Variants in ACBD5 observed in about 807,000 individuals in gnomAD.
ACBD5 encodes acyl-CoA binding domain containing 5.
A neutral mutation model predicts 71.8 loss-of-function variants in ACBD5; 40 were observed. The observed-to-expected ratio is 0.56, with a 90% CI of 0.43 to 0.72. The LOEUF (loss-of-function observed/expected upper bound fraction) is 0.72, where lower values mean the gene tolerates loss of function less well. Ranked by LOEUF, ACBD5 falls within the 30% of genes least tolerant of loss-of-function variation. ACBD5 has a pLI of 0.00. For synonymous variants in ACBD5, 229 were observed against 218.6 expected (o/e 1.05, Z -0.42); for missense variants, 559 against 644.5 (o/e 0.87, Z 1.44).
chr10:27,230,990 A>G (rs1163607115), intron 4 of ACBD5, among the ~76,000 whole-genome samples: 1 of 152,146 alleles, frequency 6.6e-6, no homozygotes, highest in Non-Finnish European at 1.5e-5. Flanking sequence ...GTACTCACAG[A>G]AAAATGTGAC....
chr10:27,192,591 G>C (rs900024706), downstream of ACBD5, among the ~76,000 whole-genome samples: 1 of 152,112 alleles, frequency 6.6e-6, no homozygotes, highest in Non-Finnish European at 1.5e-5. Flanking sequence ...AGGGAAGAGG[G>C]GAGGGGACAG....
chr10:27,204,578 A>G (rs1589030579), intron 11 of ACBD5, 29 bp from the exon 12 acceptor site: 2 of 1,496,666 alleles, frequency 1.3e-6, no homozygotes, highest in Non-Finnish European at 1.9e-6. Context: ...CTTGTCACCA[A>G]TCTATTCAAT....
chr10:27,205,789 C>CA (rs1481403513), intron 10 of ACBD5, among the ~76,000 whole-genome samples: 32 of 151,876 alleles, frequency 2.1e-4, no homozygotes, highest in Non-Finnish European at 7.4e-5. Flanking sequence ...CTCAGCCTCC[C>CA]AAAGTGTTGG....
At chr10:27,183,816 AT>A (rs1342552068) in intron 13 of ACBD5, among the ~76,000 whole-genome samples, 1 of 151,852 alleles carries the variant, frequency 6.6e-6, no homozygotes, top group African/African-American at 2.4e-5. Context: ...GGCTCAAGCA[AT>A]TCTTCCACCT....
At chr10:27,234,620 G>C (rs567609961) in intron 3 of ACBD5, among the ~76,000 whole-genome samples, 7 of 152,014 alleles carry the variant, frequency 4.6e-5, no homozygotes, top group African/African-American at 1.7e-4. Flanking sequence ...TTTCCTATTT[G>C]TGTAAAATTG....
chr10:27,211,171 C>T, intron 8 of ACBD5, 90 bp from the exon 9 acceptor site: 1 of 1,313,784 alleles, frequency 7.6e-7, no homozygotes, highest in Non-Finnish European at 1.1e-6. Context: ...ATACTGTTTT[C>T]CTAAAATGTT....
chr10:27,186,524 A>G, intron 13 of ACBD5: 13 of 1,614,028 alleles, frequency 8.1e-6, no homozygotes, highest in Non-Finnish European at 1.0e-5. Flanking sequence ...CTGTATCTGG[A>G]TTTAGTCTGT....
intron 5 of ACBD5, among the ~76,000 whole-genome samples, chr10:27,221,201 T>C (rs2062289578): frequency 6.6e-6 from 1 of 152,224 alleles, no homozygotes; most frequent in South Asian, 2.1e-4. Context: ...ATATGGTACA[T>C]ATGCCATTTG....
At chr10:27,219,105 C>A (rs1258943121) in intron 6 of ACBD5, among the ~76,000 whole-genome samples, 3 of 151,968 alleles carry the variant, frequency 2.0e-5, no homozygotes, top group Non-Finnish European at 4.4e-5. Context: ...AGTCCAAGAC[C>A]AGCCTGGTCA....
At chr10:27,209,994 ATCTCTT>A (rs2060893217) in intron 9 of ACBD5, among the ~76,000 whole-genome samples, 1 of 152,204 alleles carries the variant, frequency 6.6e-6, no homozygotes, top group East Asian at 1.9e-4. Context: ...ATTTCCCCTG[ATCTCTT>A]TAAGACAGAT....
At chr10:27,188,549 T>G (rs2058911319) in intron 13 of ACBD5, among the ~76,000 whole-genome samples, 1 of 152,210 alleles carries the variant, frequency 6.6e-6, no homozygotes, top group Admixed American at 6.6e-5. Context: ...TAACAGGGAC[T>G]TGAAACATTA....
At chr10:27,192,283 G>GA (rs906549421), downstream of ACBD5, among the ~76,000 whole-genome samples, 10 of 147,652 alleles carry the variant, frequency 6.8e-5, no homozygotes, top group Admixed American at 2.0e-4. Context: ...TAGGGATTGT[G>GA]AAAAAAAAAA....
At chr10:27,234,942 AAAC>A in intron 3 of ACBD5, 147 bp downstream of exon 3, 2 of 804,966 alleles carry the variant, frequency 2.5e-6, no homozygotes, top group Non-Finnish European at 3.8e-6. Context: ...AAAAACAAAC[AAAC>A]AAAAAAGAAA....
At chr10:27,217,950 G>T (rs1239984896) in intron 7 of ACBD5, 30 bp downstream of exon 7, 2 of 1,593,456 alleles carry the variant, frequency 1.3e-6, no homozygotes, top group Admixed American at 1.7e-5. Context: ...TAGGAAAGAG[G>T]CTGGACACAG....
chr10:27,228,813 ATATT>A (rs1320959538), intron 4 of ACBD5, among the ~76,000 whole-genome samples: 4 of 7,626 alleles, frequency 5.2e-4, no homozygotes, highest in Admixed American at 2.7e-3. Context: ...ATATATATAT[ATATT>A]TTTTTTTTTT....
chr10:27,230,796 CAAAAAAAA>C (rs10625879), intron 4 of ACBD5, among the ~76,000 whole-genome samples: 3 of 112,000 alleles, frequency 2.7e-5, no homozygotes, highest in African/African-American at 3.5e-5. Context: ...GACTCCATCT[CAAAAAAAA>C]AAAAAAAAAG....
chr10:27,226,029 T>C (rs114238520), intron 4 of ACBD5, among the ~76,000 whole-genome samples: 8 of 152,186 alleles, frequency 5.3e-5, no homozygotes, highest in Non-Finnish European at 1.0e-4. Context: ...GAGTATCCAT[T>C]GGCAGTAAGC....
chr10:27,207,286 C>CATA (rs10676608), intron 10 of ACBD5, among the ~76,000 whole-genome samples: 81,871 of 145,846 alleles, frequency 0.56, 24,677 homozygotes, highest in Non-Finnish European at 0.68. Context: ...AAAAAAAACC[C>CATA]ATAATAATAA....
In ACBD5 at chr10:27,240,037, C is replaced by A. The variant is rs886846670; in HGVS notation, c.181+282G>T. Among the ~76,000 whole-genome samples, 14 of 152,160 alleles carry A rather than the reference C, an allele frequency of 9.2e-5. No homozygotes were observed. Among genetic ancestry groups the A allele is most frequent in the Admixed American group, 8.5e-4 (13 of 15,264 alleles). On this transcript the variant is annotated intron_variant, in intron 2 of 12. Coordinates refer to ENST00000396271, the MANE Select transcript of ACBD5 (RefSeq NM_145698.5). The surrounding 1 kb of genome is among the most constrained non-coding windows in gnomAD (Gnocchi z 4.1). Reference sequence around the variant, plus strand: ...TGTTGGGATTACAGGCTTGAGCCACCGCGCCCGGCCCGGATTTATTTTTTA... The same window carrying A: ...TGTTGGGATTACAGGCTTGAGCCACAGCGCCCGGCCCGGATTTATTTTTTA...
Sources: gnomAD v4.1 joint callset for allele counts (sites outside exome capture counted in the v4.1 genomes callset) on GRCh38, gnomAD v4.1.1 for gene constraint, Gnocchi (gnomAD v3.1) non-coding constraint, MANE v1.5 for transcripts, NCBI Gene and HGNC (gene_info 2026-07-23, HGNC 2026-07-21) for gene names.